Variants in ATF2 observed in about 807,000 individuals in gnomAD.
ATF2 encodes the protein activating transcription factor 2, also known as cyclic AMP-dependent transcription factor ATF-2.
ATF2 carries 24 observed loss-of-function variants against 60.6 expected under a neutral mutation model. The ratio of observed to expected loss-of-function variants is 0.40; its 90% CI spans 0.29 to 0.56. The LOEUF is 0.56. ATF2 is among the 20% of genes least tolerant of loss of function. ATF2 has a pLI of 0.54. For synonymous variants in ATF2, 206 were observed against 215.4 expected (o/e 0.96, Z 0.38); for missense variants, 433 against 607.7 (o/e 0.71, Z 3.02).
chr2:175,097,766 G>T (rs560841164), intron 10 of ATF2, among the ~76,000 whole-genome samples, 173 bp from the exon 11 acceptor site: 10 of 152,026 alleles, frequency 6.6e-5, no homozygotes, highest in Non-Finnish European at 1.3e-4. Context: ...AATAATAAAG[G>T]CCTTAAAAAT....
intron 10 of ATF2, among the ~76,000 whole-genome samples, chr2:175,098,716 G>T (rs925125937): frequency 9.2e-5 from 14 of 152,152 alleles, no homozygotes; most frequent in African/African-American, 3.4e-4. Flanking sequence ...GTGAGTGAGA[G>T]AAGAGCTTTT....
intron 12 of ATF2, chr2:175,092,499 A>T (rs2105587166): frequency 3.6e-6 from 1 of 279,694 alleles, no homozygotes; most frequent in African/African-American, 2.3e-5. Context: ...GCACATTGGC[A>T]GGGCAGTATG....
intron 11 of ATF2, among the ~76,000 whole-genome samples, chr2:175,096,365 A>G (rs1694937425): frequency 6.6e-6 from 1 of 152,222 alleles, no homozygotes. Flanking sequence ...GTGATGTTTC[A>G]CAAGTTTTAA....
chr2:175,132,039 A>G (rs1181209596), intron 3 of ATF2, among the ~76,000 whole-genome samples: 1 of 152,208 alleles, frequency 6.6e-6, no homozygotes, highest in Non-Finnish European at 1.5e-5. Context: ...AGTATAACAC[A>G]GCTGAATTCT....
chr2:175,090,206 T>C (rs1694449190), intron 12 of ATF2, among the ~76,000 whole-genome samples: 3 of 152,156 alleles, frequency 2.0e-5, no homozygotes, highest in Non-Finnish European at 2.9e-5. Flanking sequence ...ATATGCCATC[T>C]CTCTCTATGG....
chr2:175,109,168 T>TAAAAAAAAAA (rs66812318), intron 10 of ATF2, among the ~76,000 whole-genome samples: 5 of 82,608 alleles, frequency 6.1e-5, no homozygotes, highest in South Asian at 5.5e-4. Flanking sequence ...GAATGATCAA[T>TAAAAAAAAAA]AAAAAAAAAA....
chr2:175,108,153 G>C (rs1695841148), intron 10 of ATF2, among the ~76,000 whole-genome samples: 1 of 152,096 alleles, frequency 6.6e-6, no homozygotes, highest in South Asian at 2.1e-4. Flanking sequence ...CATCGTCTCA[G>C]ATGTGGGGAG....
intron 2 of ATF2, among the ~76,000 whole-genome samples, chr2:175,146,747 G>T (rs1363076713): frequency 6.6e-6 from 1 of 152,078 alleles, no homozygotes; most frequent in East Asian, 1.9e-4. Context: ...GTGAATTGTC[G>T]CTTCGTCAAG....
chr2:175,075,191 G>A (rs1693209414), intron 13 of ATF2: 2 of 631,052 alleles, frequency 3.2e-6, no homozygotes, highest in African/African-American at 1.9e-5. Flanking sequence ...AGTCTGGTTG[G>A]CCTACATGTC....
rs545438784 is a variant in ATF2 at position 175,136,438 on chromosome 2, T to A, written c.6A>T (p.Lys2Asn). The change falls in exon 3 of 14, where the codon AAA becomes AAT. Residue 2 changes from lysine to asparagine, a missense_variant. This residue lies in a region of ATF2 where 20 missense variants were observed against 16.9 expected (regional missense o/e 1.19). Transcript: ENST00000264110. ...TGGCAGAATTCACATGTAACTTGAA[T>A]TTCATAAGTTGAATAACTTATCACA... M[K>N]FKLHVNSARQ... is the part of the protein sequence containing the mutation. 1 of 1,610,672 alleles carries A rather than the reference T, an allele frequency of 6.2e-7. No homozygotes were observed. Among genetic ancestry groups the A allele is most frequent in the East Asian group, 2.2e-5 (1 of 44,674 alleles).
chr2:175,144,877 A>C (rs1698840768), intron 2 of ATF2, among the ~76,000 whole-genome samples: 1 of 152,228 alleles, frequency 6.6e-6, no homozygotes, highest in African/African-American at 2.4e-5. Flanking sequence ...GAAGACATCT[A>C]CTTGATGGAG....
chr2:175,134,400 G>GT (rs1697982809), intron 3 of ATF2, among the ~76,000 whole-genome samples: 2 of 151,886 alleles, frequency 1.3e-5, no homozygotes, highest in East Asian at 3.9e-4. Context: ...TAAAAAAAAC[G>GT]ACTGATTTTC....
intron 1 of ATF2, among the ~76,000 whole-genome samples, chr2:175,166,123 G>A (rs1169871564): frequency 6.6e-6 from 1 of 152,100 alleles, no homozygotes; most frequent in African/African-American, 2.4e-5. Context: ...AATGCACCCG[G>A]AGCTATAGAA....
intron 11 of ATF2, among the ~76,000 whole-genome samples, chr2:175,094,478 T>G (rs1201362438): frequency 6.7e-6 from 1 of 150,300 alleles, no homozygotes; most frequent in African/African-American, 2.4e-5. Context: ...AAGAACACTT[T>G]ATGGCTACAG....
At chr2:175,118,204 CT>C (rs746673466) in intron 6 of ATF2, 46 bp downstream of exon 6, 18 of 1,591,074 alleles carry the variant, frequency 1.1e-5, no homozygotes, top group Non-Finnish European at 1.5e-5. Flanking sequence ...ACTATGATTA[CT>C]TTTCTGTCAG....
At chr2:175,148,385 C>A (rs1409678937) in intron 2 of ATF2, among the ~76,000 whole-genome samples, 4 of 150,730 alleles carry the variant, frequency 2.7e-5, no homozygotes, top group African/African-American at 5.0e-5. Context: ...AAAGAGGAGA[C>A]AGCATGTTGA....
intron 7 of ATF2, among the ~76,000 whole-genome samples, chr2:175,117,741 T>C (rs770112483): frequency 6.6e-5 from 10 of 151,920 alleles, no homozygotes; most frequent in Non-Finnish European, 1.3e-4. Context: ...AAGTTAAATT[T>C]ATAAATTTAT....
chr2:175,090,000 G>T, intron 12 of ATF2, among the ~76,000 whole-genome samples: 1 of 152,046 alleles, frequency 6.6e-6, no homozygotes, highest in East Asian at 1.9e-4. Flanking sequence ...GCTTAATTTA[G>T]ATGTAACTGA....
chr2:175,105,315 C>G (rs1695580377), intron 10 of ATF2, among the ~76,000 whole-genome samples: 3 of 150,562 alleles, frequency 2.0e-5, no homozygotes, highest in Non-Finnish European at 4.4e-5. Context: ...AATCTGCCCC[C>G]CCCCCAAAAA....
Sources: allele counts gnomAD v4.1 joint callset (sites outside exome capture counted in the v4.1 genomes callset), GRCh38; gene constraint gnomAD v4.1.1; regional missense constraint gnomAD v4.1.1; transcripts MANE v1.5; gene names NCBI Gene and HGNC (gene_info 2026-07-23, HGNC 2026-07-21).